SYNGR4: variants seen among roughly 807,000 people sequenced by gnomAD.
SYNGR4 encodes the protein synaptogyrin-4.
A neutral mutation model predicts 15.5 loss-of-function variants in SYNGR4; 15 were observed. The observed-to-expected ratio is 0.97, with a 90% confidence interval of 0.65 to 1.49. SYNGR4 has a LOEUF of 1.49. Ranked by LOEUF, SYNGR4 falls within the 40% of genes most tolerant of loss-of-function variation. The pLI, the probability that SYNGR4 is intolerant of heterozygous loss-of-function variation, is 0.00. For synonymous variants in SYNGR4, 121 were observed against 127.4 expected (o/e 0.95, Z 0.34); for missense variants, 292 against 299.3 (o/e 0.98, Z 0.18).
intron 2 of SYNGR4, 85 bp from the exon 3 acceptor site, chr19:48,373,432 A>G: frequency 8.5e-7 from 1 of 1,178,048 alleles, no homozygotes; most frequent in Non-Finnish European, 1.2e-6. Flanking sequence ...GACTGGGTAT[A>G]CGGAAAGACC....
Position 48,376,110 on chromosome 19 carries a change from A to G in SYNGR4, c.497A>G (p.Gln166Arg), listed in dbSNP as rs768004423. The change falls in exon 5 of 5, where the codon CAG becomes CGG. Residue 166 changes from glutamine to arginine, a missense_variant. Transcript: ENST00000344846. ...ATATTCCAGGCCTACCTGGCATTCC[A>G]GGACCTCCGAAATGATGCTCCAGTC... ...VWIFQAYLAF[Q>R]DLRNDAPVPY... 6.9e-5 allele frequency: 111 copies of G among 1,613,916 alleles called. No individual in the cohort carries two copies. The highest frequency in any genetic ancestry group is 9.4e-5 in the Non-Finnish European group (111 of 1,179,988).
chr19:48,368,651 A>C (rs1332440999), intron 2 of SYNGR4, among the ~76,000 whole-genome samples: 1 of 152,166 alleles, frequency 6.6e-6, no homozygotes, highest in Non-Finnish European at 1.5e-5. Flanking sequence ...AAGTGTTGGG[A>C]TTACAGGCGT....
intron 2 of SYNGR4, among the ~76,000 whole-genome samples, chr19:48,372,452 TG>T (rs1257050646): frequency 6.6e-6 from 1 of 151,342 alleles, no homozygotes; most frequent in African/African-American, 2.4e-5. Context: ...GAGACCATCG[TG>T]GCTGGCATGG....
Position 48,375,769 on chromosome 19 carries a change from C to T in SYNGR4, c.471+17C>T, listed in dbSNP as rs995941516. 3.1e-6 allele frequency: 5 copies of T among 1,606,244 alleles called. No homozygotes were observed. The African/African-American group carries it at 6.7e-5, about 21-fold the overall frequency. On this transcript the variant is annotated intron_variant, in intron 4 of 4. Coordinates refer to ENST00000344846, the MANE Select transcript of SYNGR4 (RefSeq NM_012451.4). ...CTTGTCTGGGTGAGGACAAGCCCCTCCACCACCCCTCCCTAGGAGGGCACC... is the reference window on the plus strand; with the variant it reads ...CTTGTCTGGGTGAGGACAAGCCCCTTCACCACCCCTCCCTAGGAGGGCACC...
Position 48,376,230 on chromosome 19 carries a change from C to T in SYNGR4, c.617C>T (p.Pro206Leu), listed in dbSNP as rs1970401713. ...NSPVNMPTTGPNSLSYASSAL... is the reference protein window; with the variant it reads ...NSPVNMPTTGLNSLSYASSAL... Reference sequence around the variant, plus strand: ...CCTGTGAACATGCCCACCACTGGCCCCAACAGCCTGAGTTATGCTAGCTCT... The same window carrying T: ...CCTGTGAACATGCCCACCACTGGCCTCAACAGCCTGAGTTATGCTAGCTCT... Residue 206 changes from proline to leucine, a missense_variant, in exon 5 of 5, where the codon CCC becomes CTC. Physicochemically the swap from Pro to Leu is moderately conservative, Grantham distance 98. Transcript: ENST00000344846. The T allele has an allele frequency of 6.2e-7, 1 of 1,614,154 alleles. No homozygotes were observed. The highest frequency in any genetic ancestry group is 8.5e-7 in the Non-Finnish European group (1 of 1,180,032).
intron 3 of SYNGR4, 114 bp from the exon 4 acceptor site, chr19:48,375,499 A>T: frequency 7.4e-7 from 1 of 1,353,738 alleles, no homozygotes. Flanking sequence ...GTATTTTTCA[A>T]TACCTCGTGG....
chr19:48,368,469 T>G (rs1209981023), intron 2 of SYNGR4, among the ~76,000 whole-genome samples: 1 of 152,088 alleles, frequency 6.6e-6, no homozygotes, highest in Non-Finnish European at 1.5e-5. Context: ...CACTGCAACT[T>G]TCGCCTCCTG....
chr19:48,370,656 T>A (rs1970290218), intron 2 of SYNGR4, among the ~76,000 whole-genome samples: 1 of 151,820 alleles, frequency 6.6e-6, no homozygotes, highest in South Asian at 2.1e-4. Context: ...ACCTCGTGGG[T>A]TCAAATGATC....
chr19:48,365,264 C>T (rs1191618439), intron 1 of SYNGR4, among the ~76,000 whole-genome samples: 1 of 68,986 alleles, frequency 1.4e-5, no homozygotes, highest in African/African-American at 7.9e-5. Context: ...CCACACACAA[C>T]CCCATTCCTG....
In SYNGR4 at chr19:48,365,920, G is replaced by C; in HGVS notation, c.78G>C (p.Thr26=). 2 of 1,613,702 alleles carry C rather than the reference G, an allele frequency of 1.2e-6. No homozygotes were observed. Among genetic ancestry groups the C allele is most frequent in the Non-Finnish European group, 1.7e-6 (2 of 1,179,966 alleles). ...VQFLRRPKTI[T]RVFEGVFSLI... is the part of the protein sequence containing the mutation. ...TTCTGAGAAGGCCCAAGACCATCAC[G>C]CGGGTCTTCGAAGGGGTGAGGCCCT... The change falls in exon 2 of 5, where the codon ACG becomes ACC. Residue 26 remains threonine, a synonymous_variant. Transcript: ENST00000344846.
chr19:48,367,312 G>A (rs113646794), intron 2 of SYNGR4, among the ~76,000 whole-genome samples: 3,120 of 151,756 alleles, frequency 0.021, 50 homozygotes, highest in Middle Eastern at 0.11. Flanking sequence ...AGGCGCCTGT[G>A]GTCCCAGCTA....
rs773835463 is a variant in SYNGR4, at chr19:48,375,598, CCT to C, written c.332-14_332-13del. ...GCTTTCCCCCTGCCCCTTTTCTCTC[CCT>C]GTGACGCCACAGTTCTCTGGGCAGT... On this transcript the variant is annotated splice_polypyrimidine_tract_variant and intron_variant, in intron 3 of 4. Transcript: ENST00000344846. The C allele has an allele frequency of 1.2e-6, 2 of 1,606,520 alleles. No homozygotes were observed. The highest frequency in any genetic ancestry group is 3.3e-5 in the Admixed American group (2 of 59,816).
chr19:48,370,151 C>T (rs1338266326), intron 2 of SYNGR4, among the ~76,000 whole-genome samples: 2 of 152,168 alleles, frequency 1.3e-5, no homozygotes, highest in African/African-American at 4.8e-5. Flanking sequence ...ACTCTTTCAA[C>T]ACACATTTGC....
Position 48,373,228 on chromosome 19 carries a change from T to C in SYNGR4, c.94-289T>C, listed in dbSNP as rs148195063. The C allele has an allele frequency of 9.6e-4, 401 of 416,212 alleles. 3 individuals are homozygous for C. The East Asian group carries it at 0.018, about 18-fold the overall frequency. 25.8% of individuals were successfully genotyped at this position (416,212 alleles called of 1,614,324 possible). On this transcript the variant is annotated intron_variant, in intron 2 of 4. Transcript: ENST00000344846. The stretch of plus-strand genomic sequence containing the variant: ...AGGGAGGGGCAGGGTGTGGAAAGAC[T>C]CCCCTGGGGCCATGGTGGAGATGTG...
At chr19:48,375,522 C>A in intron 3 of SYNGR4, 91 bp from the exon 4 acceptor site, 1 of 1,499,008 alleles carries the variant, frequency 6.7e-7, no homozygotes, top group South Asian at 1.3e-5. Flanking sequence ...GTTCGTGCAG[C>A]AAGACCACCA....
chr19:48,364,866 G>A (rs1222046871), intron 1 of SYNGR4, among the ~76,000 whole-genome samples: 1 of 151,866 alleles, frequency 6.6e-6, no homozygotes, highest in Non-Finnish European at 1.5e-5. Context: ...TCCCTCTGCA[G>A]GCCCTTCAGC....
At chr19:48,375,995 T>C (rs779735623) in intron 4 of SYNGR4, 90 bp from the exon 5 acceptor site, 25 of 1,592,740 alleles carry the variant, frequency 1.6e-5, no homozygotes, top group African/African-American at 2.7e-5. Flanking sequence ...CGGTATCTTT[T>C]GTCTCCTTCC....
At chr19:48,373,101 T>TTGG (rs1970334803) in intron 2 of SYNGR4, 1 of 184,846 alleles carries the variant, frequency 5.4e-6, no homozygotes, top group Non-Finnish European at 1.2e-5. Context: ...AGAGATGAAA[T>TTGG]TGGAAGAGTG....
rs530067180 is a variant in SYNGR4, at chr19:48,373,760, C to G, written c.331+6C>G. ...CCTGGACTTCATCCTGGCTGGTGAGCCCCCAGGACCCCCAACCCAGAGCTG... is the reference window on the plus strand; with the variant it reads ...CCTGGACTTCATCCTGGCTGGTGAGGCCCCAGGACCCCCAACCCAGAGCTG... On this transcript the variant is annotated splice_donor_region_variant and intron_variant, in intron 3 of 4. Transcript: ENST00000344846. The G allele has an allele frequency of 1.2e-6, 2 of 1,612,390 alleles. No homozygotes were observed. The highest frequency in any genetic ancestry group is 2.7e-5 in the African/African-American group (2 of 74,892).
Sources: gnomAD v4.1 joint callset for allele counts (sites outside exome capture counted in the v4.1 genomes callset) on GRCh38, gnomAD v4.1.1 for gene constraint, MANE v1.5 for transcripts, NCBI Gene and HGNC (gene_info 2026-07-23, HGNC 2026-07-21) for gene names.